Variants in VTI1A observed in about 807,000 individuals in gnomAD.
The protein encoded by VTI1A is vesicle transport through interaction with t-SNAREs 1A.
A neutral mutation model predicts 34.9 loss-of-function variants in VTI1A; 22 were observed. The observed-to-expected ratio is 0.63, with a 90% CI of 0.45 to 0.90. The LOEUF (loss-of-function observed/expected upper bound fraction) is 0.90, where lower values mean the gene tolerates loss of function less well. Among genes scored for constraint, VTI1A ranks in the 40% least tolerant of loss-of-function variants. The probability of loss-of-function intolerance (pLI) is 0.00; values close to 1 mark genes in which losing one functional copy is unlikely to be tolerated. For missense variants in VTI1A, 268 were observed against 275.6 expected, an observed-to-expected ratio of 0.97 and a Z score of 0.20; for synonymous variants, 87 against 97.3, an observed-to-expected ratio of 0.89 and a Z score of 0.62.
intron 7 of VTI1A, among the ~76,000 whole-genome samples, chr10:112,684,546 C>G (rs1245448888): frequency 6.7e-6 from 1 of 148,758 alleles, no homozygotes; most frequent in Non-Finnish European, 1.5e-5. Flanking sequence ...TCAAGAGATT[C>G]TCCTGCCTCA....
At chr10:112,766,845 G>A (rs1851664230) in intron 7 of VTI1A, among the ~76,000 whole-genome samples, 1 of 152,188 alleles carries the variant, frequency 6.6e-6, no homozygotes, top group Non-Finnish European at 1.5e-5. Context: ...TGTGAGACTG[G>A]TTTAGTGGCA....
At chr10:112,752,496 G>T in intron 7 of VTI1A, 1 of 985,392 alleles carries the variant, frequency 1.0e-6, no homozygotes, top group Non-Finnish European at 1.2e-6. Flanking sequence ...CAAACTTTTT[G>T]ACCTTTGTGC....
In VTI1A at chr10:112,703,206, A is replaced by C. The variant is rs563845779; in HGVS notation, c.560+34208A>C. ...ATGTATTGATAAGTGTTTTCTTTATAAATGAAATCCATTTAAATCATTACA... is the reference window on the plus strand; with the variant it reads ...ATGTATTGATAAGTGTTTTCTTTATCAATGAAATCCATTTAAATCATTACA... On this transcript the variant is annotated intron_variant, in intron 7 of 7. Transcript: ENST00000393077. Among the ~76,000 whole-genome samples, 4 of 152,284 alleles carry C rather than the reference A, an allele frequency of 2.6e-5. No homozygotes were observed. The South Asian group carries it at 8.3e-4, about 32-fold the overall frequency.
intron 7 of VTI1A, among the ~76,000 whole-genome samples, chr10:112,796,300 G>A (rs866450157): frequency 1.3e-5 from 2 of 151,872 alleles, no homozygotes; most frequent in African/African-American, 4.8e-5. Context: ...CAGCTACTCG[G>A]GAGGCTGAGG....
At chr10:112,628,118 T>C (rs1427759135) in intron 5 of VTI1A, among the ~76,000 whole-genome samples, 1 of 152,222 alleles carries the variant, frequency 6.6e-6, no homozygotes, top group Non-Finnish European at 1.5e-5. Flanking sequence ...CCAACTCTAA[T>C]TTATGTACAC....
At chr10:112,838,095 G>A in the VTI1A span, among the ~76,000 whole-genome samples, 1 of 152,264 alleles carries the variant, frequency 6.6e-6, no homozygotes, top group Non-Finnish European at 1.5e-5. Context: ...ACAGCTCAAT[G>A]TCCTGGCCTG....
At chr10:112,666,897 A>G (rs1430188876) in intron 5 of VTI1A, among the ~76,000 whole-genome samples, 1 of 152,118 alleles carries the variant, frequency 6.6e-6, no homozygotes, top group African/African-American at 2.4e-5. Flanking sequence ...CTCTTACAAC[A>G]ATCTCATGAT....
intron 7 of VTI1A, among the ~76,000 whole-genome samples, chr10:112,713,702 A>G (rs1849507730): frequency 6.6e-6 from 1 of 152,226 alleles, no homozygotes; most frequent in Non-Finnish European, 1.5e-5. Context: ...GTTTAAAATC[A>G]GGCTATGCCT....
At chr10:112,720,008 T>C (rs1849743681) in intron 7 of VTI1A, among the ~76,000 whole-genome samples, 1 of 152,236 alleles carries the variant, frequency 6.6e-6, no homozygotes, top group African/African-American at 2.4e-5. Flanking sequence ...ATATGTGGTA[T>C]TTTGCGTCTG....
At chr10:112,797,768 A>C (rs1418894333) in intron 7 of VTI1A, among the ~76,000 whole-genome samples, 1 of 152,198 alleles carries the variant, frequency 6.6e-6, no homozygotes, top group Non-Finnish European at 1.5e-5. Context: ...AAAAGGAATT[A>C]GAGCATTTAC....
chr10:112,745,666 A>G (rs1013162315), intron 7 of VTI1A, among the ~76,000 whole-genome samples: 2 of 152,240 alleles, frequency 1.3e-5, no homozygotes, highest in Non-Finnish European at 2.9e-5. Flanking sequence ...TCACAGCCAC[A>G]CCGATGCTGT....
At chr10:112,469,051 A>G (rs923522011) in intron 3 of VTI1A, among the ~76,000 whole-genome samples, 25 of 152,168 alleles carry the variant, frequency 1.6e-4, no homozygotes, top group African/African-American at 5.8e-4. Context: ...ACTGATCTGT[A>G]TATGTCATGC....
At chr10:112,464,691 T>C in intron 3 of VTI1A, 34 bp downstream of exon 3, 1 of 1,585,204 alleles carries the variant, frequency 6.3e-7, no homozygotes, top group Non-Finnish European at 8.6e-7. Flanking sequence ...CATATTTACT[T>C]TTTTTTAAAA....
rs1025264880 is a variant in VTI1A, at chr10:112,618,823, C to T, written c.428-49395C>T. Among the ~76,000 whole-genome samples, 4 of 151,912 alleles carry T rather than the reference C, an allele frequency of 2.6e-5. No homozygotes were observed. In the South Asian group the frequency reaches 8.3e-4, roughly 32 times the overall value. ...ATCCAAGGTGAACAGCAGGGAGATGCAAAAACACAATGGTTGATTAAGGGG... is the reference window on the plus strand; with the variant it reads ...ATCCAAGGTGAACAGCAGGGAGATGTAAAAACACAATGGTTGATTAAGGGG... On this transcript the variant is annotated intron_variant, in intron 5 of 7. Coordinates refer to ENST00000393077, the MANE Select transcript of VTI1A (RefSeq NM_145206.4).
chr10:112,525,850 CTA>C (rs1215075606), intron 3 of VTI1A, among the ~76,000 whole-genome samples: 1 of 152,142 alleles, frequency 6.6e-6, no homozygotes, highest in African/African-American at 2.4e-5. Flanking sequence ...ATTATGATCT[CTA>C]TGTGGTCAAG....
At chr10:112,855,059 G>A in the VTI1A span, among the ~76,000 whole-genome samples, 2 of 152,314 alleles carry the variant, frequency 1.3e-5, no homozygotes, top group East Asian at 3.9e-4. Flanking sequence ...AGTCCTTCCT[G>A]CACCAACTGG....
chr10:112,697,399 C>CTTTTCTTTT (rs745391297), intron 7 of VTI1A, among the ~76,000 whole-genome samples: 1 of 114,044 alleles, frequency 8.8e-6, no homozygotes, highest in African/African-American at 4.1e-5. Flanking sequence ...CTTTTCTTTT[C>CTTTTCTTTT]TTTTTTTTTT....
At chr10:112,704,176 A>T (rs1303060165) in intron 7 of VTI1A, among the ~76,000 whole-genome samples, 1 of 152,228 alleles carries the variant, frequency 6.6e-6, no homozygotes, top group East Asian at 1.9e-4. Flanking sequence ...ATTAACAATA[A>T]ACCAGAGAAG....
At chr10:112,506,982 G>T in intron 3 of VTI1A, among the ~76,000 whole-genome samples, 1 of 149,540 alleles carries the variant, frequency 6.7e-6, no homozygotes. Context: ...CATGCATCTT[G>T]GAATTTTTGA....
Sources: allele counts gnomAD v4.1 joint callset (sites outside exome capture counted in the v4.1 genomes callset), GRCh38; gene constraint gnomAD v4.1.1; transcripts MANE v1.5; gene names NCBI Gene and HGNC (gene_info 2026-07-23, HGNC 2026-07-21).